The following PLCXD2 variants were observed in gnomAD, a reference collection of about 807,000 sequenced individuals.
PLCXD2 encodes PI-PLC X domain-containing protein 2.
PLCXD2 carries 21 observed loss-of-function variants against 28.6 expected under a neutral mutation model. That is an observed-to-expected ratio of 0.73 (90% CI 0.52 to 1.06). The LOEUF (loss-of-function observed/expected upper bound fraction) is 1.06, where lower values mean the gene tolerates loss of function less well. Ranked by LOEUF, PLCXD2 falls within the 50% of genes least tolerant of loss-of-function variation. The pLI, the probability that PLCXD2 is intolerant of heterozygous loss-of-function variation, is 0.00. For synonymous variants in PLCXD2, 140 were observed against 150.1 expected (o/e 0.93, Z 0.49); for missense variants, 369 against 376.7 (o/e 0.98, Z 0.17).
At chr3:111,692,591 A>G (rs1940904379) in intron 1 of PLCXD2, 1 of 152,202 alleles carries the variant, frequency 6.6e-6, no homozygotes, top group Non-Finnish European at 1.5e-5. Flanking sequence ...GAAAGAAAAT[A>G]TTTGAAAACC....
chr3:111,704,809 C>T (rs1023645495), intron 1 of PLCXD2, among the ~76,000 whole-genome samples: 1 of 145,804 alleles, frequency 6.9e-6, no homozygotes, highest in Admixed American at 6.8e-5. Flanking sequence ...TTCCTCCTAT[C>T]TAGCATAATT....
chr3:111,726,026 AC>A (rs1465793828), intron 3 of PLCXD2: 3 of 382,130 alleles, frequency 7.9e-6, no homozygotes, highest in Non-Finnish European at 9.0e-6. Context: ...GCATTATTCT[AC>A]CCCTCAACCT....
chr3:111,714,558 C>G (rs1287182857), intron 3 of PLCXD2, among the ~76,000 whole-genome samples: 2 of 152,116 alleles, frequency 1.3e-5, no homozygotes, highest in Non-Finnish European at 2.9e-5. Flanking sequence ...CCATGGTGAC[C>G]ATGAGTCACT....
intron 3 of PLCXD2, chr3:111,721,894 C>G (rs1941350775): frequency 6.6e-6 from 1 of 152,198 alleles, no homozygotes; most frequent in South Asian, 2.1e-4. Context: ...GCGCAGGATG[C>G]ATGGGAAACT....
At chr3:111,702,998 T>A (rs541790507) in intron 1 of PLCXD2, among the ~76,000 whole-genome samples, 3 of 152,334 alleles carry the variant, frequency 2.0e-5, no homozygotes, top group African/African-American at 7.2e-5. Flanking sequence ...AAAGAAATAA[T>A]TTAATGCACT....
intron 2 of PLCXD2, among the ~76,000 whole-genome samples, chr3:111,709,922 C>T (rs1941176942): frequency 6.6e-6 from 1 of 152,142 alleles, no homozygotes; most frequent in African/African-American, 2.4e-5. Context: ...GGTTGCAATA[C>T]TAGGAAGAGA....
Position 111,675,253 on chromosome 3 carries a change from C to G in PLCXD2, c.8C>G (p.Ala3Gly). The G allele has an allele frequency of 6.2e-7, 1 of 1,613,758 alleles. No homozygotes were observed. The highest frequency in any genetic ancestry group is 8.5e-7 in the Non-Finnish European group (1 of 1,179,842). The stretch of plus-strand genomic sequence containing the variant: ...AGTTTGTTAACAACAGGGATGCTAG[C>G]AGTTAGGAAGGCCAGGAGGAAACTC... The change falls in exon 1 of 5, where the codon GCA becomes GGA. Residue 3 changes from alanine (A) to glycine (G), a missense_variant. Ala to Gly is a moderately conservative substitution (Grantham distance 60). Coordinates refer to ENST00000477665, the MANE Select transcript of PLCXD2 (RefSeq NM_001185106.1).
chr3:111,694,884 A>G (rs1940939201), intron 1 of PLCXD2, among the ~76,000 whole-genome samples: 1 of 152,088 alleles, frequency 6.6e-6, no homozygotes, highest in Non-Finnish European at 1.5e-5. Context: ...TCTTCCAGAA[A>G]CTTGGCCTGC....
chr3:111,719,868 A>G (rs1162681798), intron 3 of PLCXD2, among the ~76,000 whole-genome samples: 2 of 152,208 alleles, frequency 1.3e-5, no homozygotes, highest in African/African-American at 4.8e-5. Context: ...TACCATTAAG[A>G]TTTGTGAATT....
intron 1 of PLCXD2, among the ~76,000 whole-genome samples, chr3:111,688,719 C>T (rs144239054): frequency 5.7e-4 from 86 of 152,112 alleles, no homozygotes; most frequent in East Asian, 3.7e-3. Context: ...GGACTGAGGG[C>T]GAAGACCATA....
At chr3:111,697,195 A>T (rs943700201) in intron 1 of PLCXD2, among the ~76,000 whole-genome samples, 3 of 152,196 alleles carry the variant, frequency 2.0e-5, no homozygotes, top group African/African-American at 7.2e-5. Context: ...GAGCTAGCAA[A>T]AACATTTAAG....
chr3:111,711,932 T>A (rs553653400), intron 2 of PLCXD2, among the ~76,000 whole-genome samples: 1 of 152,240 alleles, frequency 6.6e-6, no homozygotes, highest in Non-Finnish European at 1.5e-5. Flanking sequence ...CATCAAGGAA[T>A]CGTTCTTGAA....
intron 1 of PLCXD2, among the ~76,000 whole-genome samples, chr3:111,702,689 A>G (rs978466440): frequency 2.0e-5 from 3 of 152,034 alleles, no homozygotes; most frequent in African/African-American, 7.3e-5. Flanking sequence ...CCAATTCCCA[A>G]GCAGCAATTC....
chr3:111,712,759 G>A (rs1429132215), intron 2 of PLCXD2, among the ~76,000 whole-genome samples: 1 of 152,186 alleles, frequency 6.6e-6, no homozygotes, highest in Non-Finnish European at 1.5e-5. Context: ...TGGCAGTCCA[G>A]GCCTCGTGAG....
intron 1 of PLCXD2, among the ~76,000 whole-genome samples, chr3:111,689,902 A>G (rs1339009864): frequency 6.6e-6 from 1 of 152,240 alleles, no homozygotes; most frequent in African/African-American, 2.4e-5. Flanking sequence ...GAGTAAGAAC[A>G]AGTATAATAA....
At chr3:111,717,743 T>G (rs1941287990) in intron 3 of PLCXD2, among the ~76,000 whole-genome samples, 1 of 152,198 alleles carries the variant, frequency 6.6e-6, no homozygotes, top group South Asian at 2.1e-4. Context: ...CACCTCATAC[T>G]TCAACACTGA....
At chr3:111,691,432 A>C (rs1940874796) in intron 1 of PLCXD2, 1 of 152,216 alleles carries the variant, frequency 6.6e-6, no homozygotes, top group South Asian at 2.1e-4. Flanking sequence ...CAGAACCAGC[A>C]CTGGGATTCA....
intron 3 of PLCXD2, 112 bp downstream of exon 3, chr3:111,714,240 C>T (rs1941238793): frequency 2.2e-6 from 3 of 1,337,430 alleles, no homozygotes; most frequent in African/African-American, 1.5e-5. Context: ...AGAAAAACAA[C>T]AAAACAAGCA....
rs200576830 is a variant in PLCXD2, at chr3:111,682,764, C to T, written c.163+7356C>T. ...CAGAGAAAGGTGAAAACAGCATTCT[C>T]GTCCACCCTCCCCAGGTTCGAGTTT... On this transcript the variant is annotated intron_variant, in intron 1 of 4. Transcript: ENST00000477665. 4.6e-5 allele frequency among the ~76,000 whole-genome samples: 7 copies of T among 152,288 alleles called. No individual in the cohort carries two copies. In the East Asian group the frequency reaches 5.8e-4, roughly 13 times the overall value.
Sources: allele counts gnomAD v4.1 joint callset (sites outside exome capture counted in the v4.1 genomes callset), GRCh38; gene constraint gnomAD v4.1.1; transcripts MANE v1.5; gene names NCBI Gene and HGNC (gene_info 2026-07-23, HGNC 2026-07-21).